The following LMF1 variants were observed in gnomAD, a reference collection of about 807,000 sequenced individuals.
LMF1 encodes the protein lipase maturation factor 1.
A neutral mutation model predicts 60.6 loss-of-function variants in LMF1; 68 were observed. The observed-to-expected ratio is 1.12, with a 90% CI of 0.92 to 1.37. The LOEUF is 1.37. LMF1 is among the 40% of genes most tolerant of loss of function. The probability of loss-of-function intolerance (pLI) is 0.00; values close to 1 mark genes in which losing one functional copy is unlikely to be tolerated. For missense variants in LMF1, 948 were observed against 767.2 expected (o/e 1.24, Z -2.78); for synonymous variants, 418 against 324.7 (o/e 1.29, Z -3.09).
At chr16:893,835 C>T (rs1391304788) in intron 4 of LMF1, among the ~76,000 whole-genome samples, 2 of 152,094 alleles carry the variant, frequency 1.3e-5, no homozygotes, top group South Asian at 2.1e-4. Context: ...CTAAAATCAC[C>T]GCTGAGACAC....
intron 3 of LMF1, among the ~76,000 whole-genome samples, chr16:911,385 A>G (rs1429721352): frequency 2.6e-5 from 4 of 152,030 alleles, no homozygotes; most frequent in Admixed American, 6.5e-5. Context: ...CGCTGCACGG[A>G]CCTGACATCT....
chr16:877,533 C>T (rs556038528), intron 6 of LMF1, among the ~76,000 whole-genome samples: 4 of 152,188 alleles, frequency 2.6e-5, no homozygotes, highest in South Asian at 2.1e-4. Context: ...TAACTCGCCA[C>T]GTTACAGACG....
chr16:866,834 G>C (rs529266624), intron 10 of LMF1, among the ~76,000 whole-genome samples: 1 of 152,300 alleles, frequency 6.6e-6, no homozygotes, highest in East Asian at 1.9e-4. Flanking sequence ...TGGGTTTCCA[G>C]TTTCCTCACC....
intron 2 of LMF1, among the ~76,000 whole-genome samples, chr16:951,270 C>A (rs558827955): frequency 3.6e-5 from 5 of 139,874 alleles, no homozygotes; most frequent in Admixed American, 3.5e-4. Context: ...AGAGTCAGAG[C>A]CAACGACAGA....
At chr16:929,340 T>C (rs1342727111) in intron 3 of LMF1, among the ~76,000 whole-genome samples, 1 of 151,968 alleles carries the variant, frequency 6.6e-6, no homozygotes, top group Admixed American at 6.5e-5. Flanking sequence ...TGGCGCCCCA[T>C]GGGGGACGGG....
At chr16:893,367 T>A in intron 4 of LMF1, 1 of 527,940 alleles carries the variant, frequency 1.9e-6, no homozygotes. Context: ...ATCATCACGC[T>A]ACAGAAGTTG....
At chr16:873,622 C>T (rs971976553) in intron 6 of LMF1, 13 of 39,902 alleles carry the variant, frequency 3.3e-4, no homozygotes, top group African/African-American at 1.1e-3. Context: ...CATGCCTGTT[C>T]GCGGGGACCC....
Position 874,687 on chromosome 16 carries a change from G to A in LMF1, c.898-3346C>T, listed in dbSNP as rs930818407. ...GGAACCAGGACAGGCTCCGGGGGAC[G>A]GTGCTCAGATGGGAACACACGGAAC... On this transcript the variant is annotated intron_variant, in intron 6 of 10. Transcript: ENST00000262301. The surrounding 1 kb of genome is among the most constrained non-coding windows in gnomAD (Gnocchi z 4.1). Among the ~76,000 whole-genome samples, 11 of 151,924 alleles carry A rather than the reference G, an allele frequency of 7.2e-5. No homozygotes were observed. The highest frequency in any genetic ancestry group is 1.2e-4 in the Non-Finnish European group (8 of 67,952).
At position 886,601 on chromosome 16, in the gene LMF1, T is replaced by G. The variant is rs1205533587; in HGVS notation, c.729+6406A>C. 0.014 allele frequency among the ~76,000 whole-genome samples: 43 copies of G among 3,160 alleles called. No homozygotes were observed. In the African/African-American group the frequency reaches 0.14, roughly 10 times the overall value. The allele number at this position is 3,160 out of a possible 152,430, so 2.1% of individuals were successfully genotyped here. A position where few individuals can be genotyped will look rare whatever the true frequency, so the allele number is the denominator to read the frequency against. On this transcript the variant is annotated intron_variant, in intron 5 of 10. Transcript: ENST00000262301. Reference sequence around the variant, plus strand: ...GGCGTTCCCCAGGCCCCTCCCACCCTAGGCCCCCGGCGTTCCCCAGGCCCC... The same window carrying G: ...GGCGTTCCCCAGGCCCCTCCCACCCGAGGCCCCCGGCGTTCCCCAGGCCCC...
intron 2 of LMF1, among the ~76,000 whole-genome samples, chr16:939,335 A>G (rs1197431610): frequency 6.6e-6 from 1 of 152,222 alleles, no homozygotes; most frequent in Non-Finnish European, 1.5e-5. Flanking sequence ...AGCCCACCTC[A>G]GGAGCTAGTT....
chr16:979,678 T>C (rs1468368624), intron 1 of LMF1: 2 of 454,008 alleles, frequency 4.4e-6, no homozygotes, highest in Non-Finnish European at 8.8e-6. Flanking sequence ...GCAGACCTAA[T>C]GCAACTGCTT....
intron 1 of LMF1, chr16:976,435 C>T (rs1293791892): frequency 6.6e-6 from 3 of 454,170 alleles, no homozygotes; most frequent in South Asian, 1.6e-5. Context: ...CTGCCACCAA[C>T]GGAAGCGTTG....
Position 854,206 on chromosome 16 carries a change from C to CT in LMF1, c.*325_*326insA, listed in dbSNP as rs1314144503. 1 of 556,232 alleles carries CT rather than the reference C, an allele frequency of 1.8e-6. No homozygotes were observed. Among genetic ancestry groups the CT allele is most frequent in the Non-Finnish European group, 3.4e-6 (1 of 293,132 alleles). 34.5% of individuals were successfully genotyped at this position (556,232 alleles called of 1,614,324 possible). ...TCAGGGCTGTAGTGGAGGAAGGTGT[C>CT]AGGATGGCCATTGTCTCAACTCCTG... On this transcript the variant is annotated 3_prime_UTR_variant, in exon 11 of 11. Transcript: ENST00000262301.
intron 5 of LMF1, chr16:884,311 C>T (rs1044286127): frequency 5.9e-5 from 9 of 152,100 alleles, no homozygotes; most frequent in Non-Finnish European, 1.2e-4. Context: ...GCTTAAAACT[C>T]GTGATAAAAA....
chr16:930,077 T>A (rs2071731657), intron 3 of LMF1, among the ~76,000 whole-genome samples: 1 of 90,714 alleles, frequency 1.1e-5, no homozygotes, highest in Non-Finnish European at 1.9e-5. Flanking sequence ...AGTGGTCACG[T>A]CCGTCTGAAC....
chr16:948,248 T>TGACAGAGTCAGCCAAC (rs1346172163), intron 2 of LMF1, among the ~76,000 whole-genome samples: 9 of 90,204 alleles, frequency 1.0e-4, no homozygotes, highest in African/African-American at 3.1e-4. Flanking sequence ...TTACAGAAAA[T>TGACAGAGTCAGCCAAC]GACAGAGTCA....
intron 4 of LMF1, chr16:902,020 G>T (rs79141406): frequency 0.012 from 1,795 of 152,564 alleles, 19 homozygotes; most frequent in South Asian, 0.091. Flanking sequence ...AGCCAGCCTG[G>T]CCACCAGCAC....
At chr16:860,116 C>A (rs191222660) in intron 10 of LMF1, among the ~76,000 whole-genome samples, 2 of 151,994 alleles carry the variant, frequency 1.3e-5, no homozygotes, top group African/African-American at 4.8e-5. Flanking sequence ...AGTTATGAAA[C>A]TTCTTTACAT....
chr16:869,341 G>C (rs778682827), intron 9 of LMF1: 6 of 651,292 alleles, frequency 9.2e-6, no homozygotes, highest in Middle Eastern at 2.5e-4. Context: ...CCTCCCTGAG[G>C]CTCAGTTTTC....
Sources: gnomAD v4.1 joint callset for allele counts (sites outside exome capture counted in the v4.1 genomes callset) on GRCh38, gnomAD v4.1.1 for gene constraint, Gnocchi (gnomAD v3.1) non-coding constraint, MANE v1.5 for transcripts, NCBI Gene and HGNC (gene_info 2026-07-23, HGNC 2026-07-21) for gene names.